ANKAR: variants seen among roughly 807,000 people sequenced by gnomAD.
The protein encoded by ANKAR is ankyrin and armadillo repeat containing.
ANKAR carries 136 observed loss-of-function variants against 146.2 expected under a neutral mutation model. The observed-to-expected ratio is 0.93, with a 90% CI of 0.81 to 1.07. The LOEUF is 1.07. Ranked by LOEUF, ANKAR falls within the 50% of genes least tolerant of loss-of-function variation. The pLI is 0.00. For synonymous variants in ANKAR, 500 were observed against 575.8 expected, an observed-to-expected ratio of 0.87 and a Z score of 1.88; for missense variants, 1,567 against 1,679.9, an observed-to-expected ratio of 0.93 and a Z score of 1.18.
intron 18 of ANKAR, chr2:189,755,331 G>A (rs1188980645): frequency 6.2e-6 from 10 of 1,613,448 alleles, no homozygotes; most frequent in East Asian, 2.2e-5. Context: ...GTAAGTGCAT[G>A]AGCCTCCATA....
Position 189,728,734 on chromosome 2 carries a change from G to T in ANKAR, c.3106G>T (p.Ala1036Ser). The T allele has an allele frequency of 6.2e-7, 1 of 1,614,066 alleles. No homozygotes were observed. The highest frequency in any genetic ancestry group is 2.2e-5 in the East Asian group (1 of 44,884). Reference sequence around the variant, plus strand: ...TCAAATATGTGAAGGGAATGGAATTGCACCATTGGTTCGCTTACTAAGAAT... The same window carrying T: ...TCAAATATGTGAAGGGAATGGAATTTCACCATTGGTTCGCTTACTAAGAAT... Reference protein sequence around the residue: ...QNQICEGNGIAPLVRLLRIST... With the variant: ...QNQICEGNGISPLVRLLRIST... The change falls in exon 15 of 23, where the codon GCA becomes TCA. Residue 1036 changes from alanine to serine, a missense_variant. Physicochemically the swap from Ala to Ser is moderately conservative, Grantham distance 99. Coordinates refer to ENST00000684021, the MANE Select transcript of ANKAR (RefSeq NM_001378068.1).
At chr2:189,728,893 T>A (rs1272211620) in intron 15 of ANKAR, 72 bp downstream of exon 15, 2 of 1,420,510 alleles carry the variant, frequency 1.4e-6, no homozygotes, top group African/African-American at 2.8e-5. Flanking sequence ...AAGTGGAAAT[T>A]AATCTCTCTT....
chr2:189,739,035 T>C (rs1030639058), intron 19 of ANKAR, among the ~76,000 whole-genome samples: 1 of 152,258 alleles, frequency 6.6e-6, no homozygotes, highest in African/African-American at 2.4e-5. Context: ...TTTACACAGA[T>C]GTACCTCTGT....
At chr2:189,762,417 G>A (rs954812705), downstream of ANKAR, 2 of 212,248 alleles carry the variant, frequency 9.4e-6, no homozygotes, top group Non-Finnish European at 8.1e-6. Context: ...GATTAGAGAT[G>A]AGCGACCTAT....
chr2:189,759,151 G>A (rs944182210), intron 18 of ANKAR, among the ~76,000 whole-genome samples: 15 of 152,022 alleles, frequency 9.9e-5, no homozygotes, highest in Non-Finnish European at 1.9e-4. Context: ...ATCCAACACA[G>A]TCCCTTTCAC....
chr2:189,694,308 C>T (rs904142201), intron 5 of ANKAR, among the ~76,000 whole-genome samples: 2 of 152,132 alleles, frequency 1.3e-5, no homozygotes, highest in Non-Finnish European at 2.9e-5. Context: ...AGAGGTGTCC[C>T]ACTGACAGAG....
At chr2:189,698,204 C>T (rs939157809) in intron 7 of ANKAR, among the ~76,000 whole-genome samples, 1 of 152,100 alleles carries the variant, frequency 6.6e-6, no homozygotes, top group Admixed American at 6.5e-5. Flanking sequence ...CTCTAAAATA[C>T]TGTTGCATCA....
intron 6 of ANKAR, among the ~76,000 whole-genome samples, chr2:189,695,490 G>T (rs1341233610): frequency 6.6e-6 from 1 of 152,202 alleles, no homozygotes; most frequent in Non-Finnish European, 1.5e-5. Context: ...ATACAAATGA[G>T]AAATTTGAGG....
intron 18 of ANKAR, chr2:189,755,707 A>G (rs1226751525): frequency 1.2e-6 from 1 of 838,824 alleles, no homozygotes; most frequent in Non-Finnish European, 1.7e-6. Context: ...CTAACATAGC[A>G]CACTATGGTT....
At position 189,676,476 on chromosome 2, in the gene ANKAR, T is replaced by C; in HGVS notation, c.-15T>C. ...TGCAGAAGCTTCAAAAAGGACACAC[T>C]AGATTTAATTAGAAATGTTAAGATT... is the stretch of plus-strand genomic sequence containing the variant. On this transcript the variant is annotated 5_prime_UTR_variant, in exon 2 of 23. Transcript: ENST00000684021. The C allele has an allele frequency of 1.3e-6, 2 of 1,527,188 alleles. No individual in the cohort carries two copies. The highest frequency in any genetic ancestry group is 1.4e-5 in the African/African-American group (1 of 72,726). 94.6% of individuals were successfully genotyped at this position (1,527,188 alleles called of 1,614,324 possible).
downstream of ANKAR, among the ~76,000 whole-genome samples, chr2:189,749,073 C>T (rs919232760): frequency 6.6e-6 from 1 of 151,726 alleles, no homozygotes; most frequent in African/African-American, 2.4e-5. Flanking sequence ...GGTGAAACCC[C>T]ATCTCTACTA....
chr2:189,729,185 G>A (rs953333278), intron 15 of ANKAR, among the ~76,000 whole-genome samples: 1 of 152,150 alleles, frequency 6.6e-6, no homozygotes, highest in Non-Finnish European at 1.5e-5. Flanking sequence ...TAATGCTGGA[G>A]CACATTCTTG....
intron 18 of ANKAR, among the ~76,000 whole-genome samples, chr2:189,758,174 G>A (rs2046368702): frequency 6.6e-6 from 1 of 152,096 alleles, no homozygotes; most frequent in African/African-American, 2.4e-5. Flanking sequence ...CTTGAGGTCG[G>A]GAGTTCGAGA....
chr2:189,690,257 G>A (rs2036184125), intron 3 of ANKAR, among the ~76,000 whole-genome samples: 1 of 152,094 alleles, frequency 6.6e-6, no homozygotes, highest in East Asian at 1.9e-4. Context: ...CACTGTGAAT[G>A]TATCATATCT....
downstream of ANKAR, among the ~76,000 whole-genome samples, chr2:189,750,269 A>G (rs971754139): frequency 5.9e-5 from 9 of 152,214 alleles, no homozygotes; most frequent in African/African-American, 2.2e-4. Context: ...ATACAGGGCC[A>G]GAATTCAGCA....
intron 10 of ANKAR, among the ~76,000 whole-genome samples, chr2:189,712,628 CAAAGACCAAAGGTAGATA>C (rs1040232472): frequency 2.0e-5 from 3 of 152,188 alleles, no homozygotes; most frequent in African/African-American, 7.2e-5. Context: ...TCACCAACAT[CAAAGACCAAAGGTAGATA>C]AAACCACAAA....
intron 10 of ANKAR, among the ~76,000 whole-genome samples, chr2:189,711,712 A>T (rs575118392): frequency 1.3e-5 from 2 of 152,300 alleles, no homozygotes; most frequent in East Asian, 3.9e-4. Flanking sequence ...TGCATTTCCA[A>T]CTGAGGTACC....
intron 7 of ANKAR, 42 bp from the exon 8 acceptor site, chr2:189,704,981 G>C: frequency 1.9e-6 from 3 of 1,574,722 alleles, no homozygotes; most frequent in Non-Finnish European, 2.6e-6. Flanking sequence ...TTTTAGGAAT[G>C]GTAGTGCTGT....
At chr2:189,721,113 G>T (rs1341587372) in intron 12 of ANKAR, among the ~76,000 whole-genome samples, 1 of 151,970 alleles carries the variant, frequency 6.6e-6, no homozygotes, top group Non-Finnish European at 1.5e-5. Context: ...TTAGCCTCCT[G>T]AGTAGCTGGG....
Sources: allele counts gnomAD v4.1 joint callset (sites outside exome capture counted in the v4.1 genomes callset), GRCh38; gene constraint gnomAD v4.1.1; transcripts MANE v1.5; gene names NCBI Gene and HGNC (gene_info 2026-07-23, HGNC 2026-07-21).